Variants in SLC36A1 observed in about 807,000 individuals in gnomAD.
SLC36A1 encodes the protein solute carrier family 36 member 1.
In SLC36A1, 30 loss-of-function variants were observed where a neutral mutation model predicts 47.5. The observed-to-expected ratio is 0.63, with a 90% CI of 0.47 to 0.86. SLC36A1 has a LOEUF of 0.86. Among genes scored for constraint, SLC36A1 ranks in the 40% least tolerant of loss-of-function variants. The probability of loss-of-function intolerance (pLI) is 0.00; values close to 1 mark genes in which losing one functional copy is unlikely to be tolerated. For missense variants in SLC36A1, 517 were observed against 606.0 expected (o/e 0.85, Z 1.54); for synonymous variants, 255 against 249.7 (o/e 1.02, Z -0.20).
chr5:151,442,353 G>A (rs991909862), intron 1 of SLC36A1, among the ~76,000 whole-genome samples: 3 of 152,040 alleles, frequency 2.0e-5, no homozygotes, highest in Non-Finnish European at 4.4e-5. Flanking sequence ...TTTAAATACA[G>A]TGTGATTTTT....
At chr5:151,414,055 A>G in the SLC36A1 span, among the ~76,000 whole-genome samples, 1 of 152,208 alleles carries the variant, frequency 6.6e-6, no homozygotes, top group Non-Finnish European at 1.5e-5. Flanking sequence ...TTACTTTGTT[A>G]TAAGAGCTCC....
At chr5:151,446,979 T>A (rs980295534), upstream of SLC36A1, among the ~76,000 whole-genome samples, 1 of 152,248 alleles carries the variant, frequency 6.6e-6, no homozygotes, top group Non-Finnish European at 1.5e-5. Context: ...TTGTGTCTTC[T>A]TGATGAATTG....
At chr5:151,421,800 C>T in the SLC36A1 span, among the ~76,000 whole-genome samples, 1 of 150,326 alleles carries the variant, frequency 6.7e-6, no homozygotes, top group African/African-American at 2.4e-5. Flanking sequence ...CCATGTTAGC[C>T]AGGATGGTCT....
At chr5:151,410,123 G>A in the SLC36A1 span, among the ~76,000 whole-genome samples, 781 of 152,272 alleles carry the variant, frequency 5.1e-3, 16 homozygotes, top group African/African-American at 0.018. Context: ...TTGAAATGGT[G>A]GAGCTGTAAT....
chr5:151,369,709 T>C, the SLC36A1 span, among the ~76,000 whole-genome samples: 2 of 152,242 alleles, frequency 1.3e-5, no homozygotes, highest in African/African-American at 4.8e-5. Context: ...CTAGAACTCC[T>C]GGCCTCAAGC....
the SLC36A1 span, chr5:151,543,282 A>T: frequency 2.5e-6 from 4 of 1,613,990 alleles, no homozygotes; most frequent in Non-Finnish European, 1.7e-6. Context: ...CTGCGTTCTG[A>T]CCTTCATCTG....
the SLC36A1 span, chr5:151,545,966 C>T: frequency 6.2e-7 from 1 of 1,614,158 alleles, no homozygotes; most frequent in Non-Finnish European, 8.5e-7. Context: ...GAGATTTTCT[C>T]ATGGTCCAAT....
At chr5:151,354,435 C>A in the SLC36A1 span, among the ~76,000 whole-genome samples, 2 of 152,180 alleles carry the variant, frequency 1.3e-5, no homozygotes, top group Middle Eastern at 6.3e-3. Context: ...AGAACAGCCA[C>A]CCTTGAGGAG....
rs1324800879 is a variant in SLC36A1, at chr5:151,489,167, G to T, written c.*913G>T. The T allele has an allele frequency of 1.3e-5, 2 of 152,136 alleles. No individual in the cohort carries two copies. The highest frequency in any genetic ancestry group is 4.8e-5 in the African/African-American group (2 of 41,418). The allele number at this position is 152,136 out of a possible 1,614,324, so 9.4% of individuals were successfully genotyped here. ...ACCTCGGTGAGGAGGCACAGATTTT[G>T]CCTCCTGTTGACCAGCCTGGTTTCA... On this transcript the variant is annotated 3_prime_UTR_variant, in exon 11 of 11. Coordinates refer to ENST00000243389, the MANE Select transcript of SLC36A1 (RefSeq NM_078483.4). This position sits in a 1 kb window ranked among gnomAD's most constrained non-coding sequence, Gnocchi z 4.5.
At chr5:151,531,635 C>T in the SLC36A1 span, 1 of 1,613,544 alleles carries the variant, frequency 6.2e-7, no homozygotes, top group Admixed American at 1.7e-5. This position sits in a 1 kb window ranked among gnomAD's most constrained non-coding sequence, Gnocchi z 5.7. Context: ...CCGCTGACCA[C>T]GCGGTAGCCG....
intron 8 of SLC36A1, among the ~76,000 whole-genome samples, chr5:151,474,747 A>G (rs555588693): frequency 6.6e-6 from 1 of 152,170 alleles, no homozygotes; most frequent in Non-Finnish European, 1.5e-5. Context: ...TCTACCCCTC[A>G]CTTTTACCTA....
At chr5:151,542,221 G>A in the SLC36A1 span, 1 of 1,481,104 alleles carries the variant, frequency 6.8e-7, no homozygotes, top group African/African-American at 1.4e-5. Flanking sequence ...CCATTTTAGG[G>A]CACCTCTTCC....
chr5:151,438,488 G>A (rs1759910130), intron 1 of SLC36A1, among the ~76,000 whole-genome samples: 2 of 152,014 alleles, frequency 1.3e-5, no homozygotes, highest in Admixed American at 6.5e-5. Flanking sequence ...TACACCATTG[G>A]CCACTGCACA....
chr5:151,407,413 GA>G, the SLC36A1 span, among the ~76,000 whole-genome samples: 1 of 152,116 alleles, frequency 6.6e-6, no homozygotes, highest in Non-Finnish European at 1.5e-5. Context: ...ACAGAGCACT[GA>G]TTGGTACATT....
intron 2 of SLC36A1, among the ~76,000 whole-genome samples, chr5:151,460,792 G>T: frequency 6.7e-6 from 1 of 149,390 alleles, no homozygotes. Flanking sequence ...TTTTGAGCTG[G>T]GTTCCTTTTA....
chr5:151,537,233 G>A, the SLC36A1 span, among the ~76,000 whole-genome samples: 2 of 148,162 alleles, frequency 1.3e-5, no homozygotes, highest in African/African-American at 5.2e-5. Context: ...GGAGGAGGAG[G>A]AAGAAGAAGA....
the SLC36A1 span, among the ~76,000 whole-genome samples, chr5:151,522,518 T>C: frequency 2.6e-5 from 4 of 152,196 alleles, no homozygotes; most frequent in Admixed American, 2.6e-4. Context: ...TGGGATTCCC[T>C]TTTGCTATGC....
At chr5:151,507,922 C>T in the SLC36A1 span, among the ~76,000 whole-genome samples, 1 of 152,200 alleles carries the variant, frequency 6.6e-6, no homozygotes, top group South Asian at 2.1e-4. Context: ...CATATCACTG[C>T]AGTAGAGACA....
chr5:151,497,518 G>A, the SLC36A1 span, among the ~76,000 whole-genome samples: 1 of 152,180 alleles, frequency 6.6e-6, no homozygotes, highest in African/African-American at 2.4e-5. Flanking sequence ...TACTCTGACA[G>A]ATGTAGAATC....
Sources: gnomAD v4.1 joint callset for allele counts (sites outside exome capture counted in the v4.1 genomes callset) on GRCh38, gnomAD v4.1.1 for gene constraint, Gnocchi (gnomAD v3.1) non-coding constraint, MANE v1.5 for transcripts, NCBI Gene and HGNC (gene_info 2026-07-23, HGNC 2026-07-21) for gene names.